The following LPP variants were observed in gnomAD, a reference collection of about 807,000 sequenced individuals.
The protein encoded by LPP is LIM domain containing preferred translocation partner in lipoma.
A neutral mutation model predicts 60.4 loss-of-function variants in LPP; 38 were observed. The observed-to-expected ratio is 0.63, with a 90% CI of 0.49 to 0.83. The LOEUF is 0.83. Ranked by LOEUF, LPP falls within the 40% of genes least tolerant of loss-of-function variation. The pLI is 0.00. For synonymous variants in LPP, 328 were observed against 290.8 expected (o/e 1.13, Z -1.30); for missense variants, 902 against 783.6 (o/e 1.15, Z -1.80).
At chr3:188,314,839 A>G (rs1212697062) in intron 2 of LPP, among the ~76,000 whole-genome samples, 1 of 152,106 alleles carries the variant, frequency 6.6e-6, no homozygotes, top group African/African-American at 2.4e-5. Flanking sequence ...ACAAACAAAC[A>G]AGGAAGCTTT....
intron 4 of LPP, among the ~76,000 whole-genome samples, chr3:188,453,920 A>G (rs953080679): frequency 6.6e-6 from 1 of 152,138 alleles, no homozygotes; most frequent in Non-Finnish European, 1.5e-5. Context: ...CTAAAATGCC[A>G]TACTCTTTTT....
intron 8 of LPP, among the ~76,000 whole-genome samples, chr3:188,726,989 G>A (rs1718650888): frequency 6.6e-6 from 1 of 152,126 alleles, no homozygotes; most frequent in Admixed American, 6.6e-5. Flanking sequence ...AAATCTCTTA[G>A]TTTAGGCAGA....
intron 9 of LPP, among the ~76,000 whole-genome samples, chr3:188,839,115 A>G (rs902201478): frequency 4.6e-4 from 70 of 152,208 alleles, no homozygotes; most frequent in African/African-American, 1.7e-3. Context: ...GAAAATCACC[A>G]AATAGTATTT....
At chr3:188,265,428 T>A (rs1410608151) in intron 2 of LPP, among the ~76,000 whole-genome samples, 1 of 152,124 alleles carries the variant, frequency 6.6e-6, no homozygotes, top group Non-Finnish European at 1.5e-5. Context: ...AGGAGACTGG[T>A]GTCTGGGGAA....
intron 3 of LPP, among the ~76,000 whole-genome samples, chr3:188,343,518 A>T (rs1025592784): frequency 6.6e-6 from 1 of 152,218 alleles, no homozygotes; most frequent in Non-Finnish European, 1.5e-5. Context: ...GTTCATTTAG[A>T]AACTGCAGTT....
intron 1 of LPP, among the ~76,000 whole-genome samples, chr3:188,171,841 T>C (rs1721668879): frequency 6.6e-6 from 1 of 152,230 alleles, no homozygotes; most frequent in African/African-American, 2.4e-5. Flanking sequence ...AAGCTTATTT[T>C]GCAGGCCTTG....
chr3:188,216,928 C>T (rs1017338823), intron 1 of LPP, among the ~76,000 whole-genome samples: 6 of 152,214 alleles, frequency 3.9e-5, no homozygotes, highest in Non-Finnish European at 8.8e-5. Flanking sequence ...CTTCTTCCAT[C>T]CGTGGCATGT....
intron 1 of LPP, among the ~76,000 whole-genome samples, chr3:188,203,520 T>C: frequency 1.5e-5 from 1 of 67,390 alleles, no homozygotes; most frequent in African/African-American, 5.4e-5. Context: ...TATTTAAATA[T>C]ATATAAATAT....
intron 10 of LPP, among the ~76,000 whole-genome samples, chr3:188,867,397 T>G (rs1766938529): frequency 6.6e-6 from 1 of 151,704 alleles, no homozygotes; most frequent in South Asian, 2.1e-4. Context: ...CAGGCTGGAG[T>G]GCAGTAGTGC....
chr3:188,377,050 T>G (rs1775341220), intron 3 of LPP, among the ~76,000 whole-genome samples: 1 of 152,262 alleles, frequency 6.6e-6, no homozygotes, highest in Non-Finnish European at 1.5e-5. Context: ...CTCTTCTGGC[T>G]TGTAGAGTTT....
At chr3:188,399,529 C>T (rs6444284) in intron 3 of LPP, among the ~76,000 whole-genome samples, 94,165 of 152,072 alleles carry the variant, frequency 0.62, 29,632 homozygotes, top group African/African-American at 0.74. Context: ...TGTTAATCTA[C>T]GTCCCTTTTC....
intron 6 of LPP, among the ~76,000 whole-genome samples, chr3:188,573,967 G>A: frequency 6.6e-6 from 1 of 152,098 alleles, no homozygotes; most frequent in Middle Eastern, 3.2e-3. Flanking sequence ...TGTTAATAGG[G>A]AGCCAGAATT....
rs55811112 is a variant in LPP, at chr3:188,248,468, TTATA to T, written c.-67+22968_-67+22971del. Among the ~76,000 whole-genome samples, 239 of 84,152 alleles carry T rather than the reference TTATA, an allele frequency of 2.8e-3. 17 individuals are homozygous for T. Among genetic ancestry groups the T allele is most frequent in the African/African-American group, 0.011 (206 of 18,832 alleles). The allele number at this position is 84,152 out of a possible 152,430, so 55.2% of individuals were successfully genotyped here. On this transcript the variant is annotated intron_variant, in intron 2 of 11. Coordinates refer to ENST00000617246, the MANE Select transcript of LPP (RefSeq NM_001375462.1). Reference sequence around the variant, plus strand: ...CCTAGTGTTCAGCTGCAGTATAACTTTATATATATATATATATATATATATATAT... The same window carrying T: ...CCTAGTGTTCAGCTGCAGTATAACTTTATATATATATATATATATATATAT...
At chr3:188,519,114 A>G (rs1199272326) in intron 5 of LPP, among the ~76,000 whole-genome samples, 1 of 152,224 alleles carries the variant, frequency 6.6e-6, no homozygotes, top group African/African-American at 2.4e-5. Flanking sequence ...GAATACTCAC[A>G]GTGCCCCAAA....
intron 6 of LPP, among the ~76,000 whole-genome samples, chr3:188,574,498 G>A (rs565666677): frequency 7.9e-5 from 12 of 152,036 alleles, no homozygotes; most frequent in Admixed American, 4.6e-4. Flanking sequence ...TTTTAATATC[G>A]CACTTTACCA....
chr3:188,359,312 T>C (rs977057587), intron 3 of LPP, among the ~76,000 whole-genome samples: 6 of 152,158 alleles, frequency 3.9e-5, no homozygotes, highest in African/African-American at 1.4e-4. Flanking sequence ...CTGCAGCCCC[T>C]CTGACGAAGT....
intron 6 of LPP, among the ~76,000 whole-genome samples, chr3:188,547,592 C>CT (rs1359110130): frequency 2.6e-5 from 4 of 152,028 alleles, no homozygotes; most frequent in African/African-American, 7.2e-5. Flanking sequence ...TACACTGTCT[C>CT]TTTTTTTTAC....
At chr3:188,817,454 T>C (rs1752768643) in intron 9 of LPP, among the ~76,000 whole-genome samples, 1 of 152,236 alleles carries the variant, frequency 6.6e-6, no homozygotes, top group Non-Finnish European at 1.5e-5. Context: ...AAACACTTAG[T>C]TCTGTATTAT....
intron 1 of LPP, among the ~76,000 whole-genome samples, chr3:188,204,479 A>G (rs1732598210): frequency 6.6e-6 from 1 of 152,206 alleles, no homozygotes; most frequent in Admixed American, 6.5e-5. Flanking sequence ...AGTTTTGGAC[A>G]CATTCTAAGT....
Sources: gnomAD v4.1 joint callset for allele counts (sites outside exome capture counted in the v4.1 genomes callset) on GRCh38, gnomAD v4.1.1 for gene constraint, MANE v1.5 for transcripts, NCBI Gene and HGNC (gene_info 2026-07-23, HGNC 2026-07-21) for gene names.